The following LMX1B variants were observed in gnomAD, a reference collection of about 807,000 sequenced individuals.
LMX1B encodes LIM homeobox transcription factor 1-beta.
LMX1B carries 12 observed loss-of-function variants against 51.4 expected under a neutral mutation model. The observed-to-expected ratio is 0.23, with a 90% confidence interval of 0.15 to 0.38. LMX1B has a LOEUF of 0.38. Among genes scored for constraint, LMX1B ranks in the 10% least tolerant of loss-of-function variants. LMX1B has a pLI of 1.00. For missense variants in LMX1B, 445 were observed against 571.1 expected (o/e 0.78, Z 2.25); for synonymous variants, 237 against 235.4 (o/e 1.01, Z -0.06).
chr9:126,696,704 C>T lies in LMX1B; in HGVS notation c.*253C>T, dbSNP rs748844195. ...TCCCCAGGGACCCAGAGCTCTCGGA[C>T]GGCCACTCGCCTCCCAGCCCCACCT... On this transcript the variant is annotated 3_prime_UTR_variant, in exon 8 of 8. Transcript: ENST00000373474. 15 of 555,648 alleles carry T rather than the reference C, an allele frequency of 2.7e-5. No individual in the cohort carries two copies. Among genetic ancestry groups the T allele is most frequent in the Non-Finnish European group, 4.5e-5 (14 of 311,066 alleles). 34.4% of individuals were successfully genotyped at this position (555,648 alleles called of 1,614,324 possible). A position where few individuals can be genotyped will look rare whatever the true frequency, so the allele number is the denominator to read the frequency against.
chr9:126,692,633 A>T (rs1476225009), intron 3 of LMX1B, among the ~76,000 whole-genome samples: 1 of 152,226 alleles, frequency 6.6e-6, no homozygotes, highest in African/African-American at 2.4e-5. Context: ...TGTGCATCTT[A>T]CGAGTGTGTG....
chr9:126,686,572 T>G (rs2029894091), intron 2 of LMX1B, among the ~76,000 whole-genome samples: 2 of 152,098 alleles, frequency 1.3e-5, no homozygotes. Flanking sequence ...ACCCCCACCT[T>G]CTGGAGGCCG....
intron 2 of LMX1B, among the ~76,000 whole-genome samples, chr9:126,646,177 A>G (rs1279475401): frequency 6.6e-6 from 1 of 152,210 alleles, no homozygotes; most frequent in South Asian, 2.1e-4. Context: ...TTTTTGCTCT[A>G]TGTTGATATG....
At chr9:126,616,097 A>G (rs906782057) in intron 2 of LMX1B, among the ~76,000 whole-genome samples, 3 of 152,116 alleles carry the variant, frequency 2.0e-5, no homozygotes, top group Admixed American at 2.0e-4. Flanking sequence ...CCTGATGGAG[A>G]GAAAAGAATG....
intron 2 of LMX1B, among the ~76,000 whole-genome samples, chr9:126,637,822 T>TACCCCCC (rs1564151130): frequency 1.1e-5 from 1 of 91,996 alleles, no homozygotes; most frequent in Admixed American, 1.1e-4. Context: ...GTGCCTGTCC[T>TACCCCCC]CCCCCCCCCC....
At chr9:126,630,007 G>A (rs988852432) in intron 2 of LMX1B, among the ~76,000 whole-genome samples, 2 of 152,092 alleles carry the variant, frequency 1.3e-5, no homozygotes, top group Non-Finnish European at 2.9e-5. Flanking sequence ...TTAGCTGGGC[G>A]TCATGGCAGG....
chr9:126,664,190 G>A (rs10429515), intron 2 of LMX1B, among the ~76,000 whole-genome samples: 1 of 151,942 alleles, frequency 6.6e-6, no homozygotes, highest in African/African-American at 2.4e-5. Flanking sequence ...CTGTCGGGGG[G>A]GTCTCACATC....
intron 2 of LMX1B, among the ~76,000 whole-genome samples, chr9:126,646,709 G>A (rs1038073464): frequency 6.6e-6 from 1 of 152,236 alleles, no homozygotes; most frequent in Non-Finnish European, 1.5e-5. Flanking sequence ...CCCAGAACCA[G>A]ACTCTTGGTC....
chr9:126,689,617 G>A (rs780636501), intron 2 of LMX1B, among the ~76,000 whole-genome samples: 1 of 152,186 alleles, frequency 6.6e-6, no homozygotes, highest in Non-Finnish European at 1.5e-5. Context: ...CGGGAGGAGC[G>A]GTCAGCAGAC....
intron 2 of LMX1B, among the ~76,000 whole-genome samples, chr9:126,622,746 C>T (rs1835441052): frequency 6.6e-6 from 1 of 152,212 alleles, no homozygotes; most frequent in Non-Finnish European, 1.5e-5. Context: ...TCAAGGTGCT[C>T]TGGGGTGACC....
chr9:126,681,858 G>A (rs894646499), intron 2 of LMX1B, among the ~76,000 whole-genome samples: 5 of 151,230 alleles, frequency 3.3e-5, no homozygotes, highest in African/African-American at 4.9e-5. Context: ...CCAAGATCAC[G>A]CCACTGCACT....
In LMX1B at chr9:126,667,177, C is replaced by G. The variant is rs1208899729; in HGVS notation, c.327-23659C>G. On this transcript the variant is annotated intron_variant, in intron 2 of 7. Coordinates refer to ENST00000373474, the MANE Select transcript of LMX1B (RefSeq NM_001174147.2). ...CTTTCCTACAACATAGGAGCATGTTCTGTGCACATCCACTTGGTTTTCCTT... is the reference window on the plus strand; with the variant it reads ...CTTTCCTACAACATAGGAGCATGTTGTGTGCACATCCACTTGGTTTTCCTT... 2.6e-5 allele frequency among the ~76,000 whole-genome samples: 4 copies of G among 152,334 alleles called. No individual in the cohort carries two copies. In the East Asian group the frequency reaches 7.7e-4, roughly 29 times the overall value.
chr9:126,692,748 C>T (rs1231325731), intron 3 of LMX1B, among the ~76,000 whole-genome samples: 2 of 152,270 alleles, frequency 1.3e-5, no homozygotes, highest in Admixed American at 6.5e-5. Context: ...CACAACCGTG[C>T]GTGCACCTGT....
rs1463630434 is a variant in LMX1B at position 126,625,351 on chromosome 9, A to G, written c.326+9782A>G. Among the ~76,000 whole-genome samples, 1 of 152,126 alleles carries G rather than the reference A, an allele frequency of 6.6e-6. No individual in the cohort carries two copies. The highest frequency in any genetic ancestry group is 1.5e-5 in the Non-Finnish European group (1 of 68,010). On this transcript the variant is annotated intron_variant, in intron 2 of 7. Transcript: ENST00000373474. The surrounding 1 kb of genome is among the most constrained non-coding windows in gnomAD (Gnocchi z 5.3). ...ACAGTGACCCCACGACTAGAGGATG[A>G]ATGGGGGGAGGGTTAGTGGGATGTG...
At chr9:126,683,299 G>A (rs1018221505) in intron 2 of LMX1B, among the ~76,000 whole-genome samples, 5 of 151,586 alleles carry the variant, frequency 3.3e-5, no homozygotes, top group Non-Finnish European at 5.9e-5. Context: ...GGCTCCCGCC[G>A]CCGCCCGCCC....
intron 2 of LMX1B, among the ~76,000 whole-genome samples, chr9:126,639,610 C>T (rs1835772389): frequency 6.6e-6 from 1 of 152,210 alleles, no homozygotes; most frequent in Admixed American, 6.5e-5. Flanking sequence ...CGGAGCCCCC[C>T]TGTTATTGCC....
intron 2 of LMX1B, among the ~76,000 whole-genome samples, chr9:126,661,192 T>C (rs1437950631): frequency 8.4e-6 from 1 of 119,148 alleles, no homozygotes; most frequent in African/African-American, 2.8e-5. Flanking sequence ...CTCAAGCTAA[T>C]GTGGACACCC....
intron 2 of LMX1B, among the ~76,000 whole-genome samples, chr9:126,656,792 G>A (rs1836124961): frequency 6.6e-6 from 1 of 152,236 alleles, no homozygotes; most frequent in Non-Finnish European, 1.5e-5. Context: ...TGCATGTAGG[G>A]TGTTCAGCAG....
At position 126,696,600 on chromosome 9, in the gene LMX1B, G is replaced by C. The variant is rs1049513760; in HGVS notation, c.*149G>C. ...CCTCGGCCAGCTGGGCCTGACCACT[G>C]TGCCCGTTGGGTACAGCCAGACCGG... is the stretch of plus-strand genomic sequence containing the variant. On this transcript the variant is annotated 3_prime_UTR_variant, in exon 8 of 8. Coordinates refer to ENST00000373474, the MANE Select transcript of LMX1B (RefSeq NM_001174147.2). 1 of 856,418 alleles carries C rather than the reference G, an allele frequency of 1.2e-6. No individual in the cohort carries two copies. Among genetic ancestry groups the C allele is most frequent in the African/African-American group, 1.7e-5 (1 of 59,356 alleles). 53.1% of individuals were successfully genotyped at this position (856,418 alleles called of 1,614,324 possible).
Sources: allele counts gnomAD v4.1 joint callset (sites outside exome capture counted in the v4.1 genomes callset), GRCh38; gene constraint gnomAD v4.1.1; non-coding constraint Gnocchi (gnomAD v3.1); transcripts MANE v1.5; gene names NCBI Gene and HGNC (gene_info 2026-07-23, HGNC 2026-07-21).